NKAIN2: variants seen among roughly 807,000 people sequenced by gnomAD.
NKAIN2 encodes sodium/potassium transporting ATPase interacting 2, also known as sodium/potassium-transporting ATPase subunit beta-1-interacting protein 2.
In NKAIN2, 14 loss-of-function variants were observed where a neutral mutation model predicts 32.6. The ratio of observed to expected loss-of-function variants is 0.43; its 90% CI spans 0.28 to 0.67. NKAIN2 has a LOEUF of 0.67. Ranked by LOEUF, NKAIN2 falls within the 30% of genes least tolerant of loss-of-function variation. The probability of loss-of-function intolerance (pLI) is 0.17; values close to 1 mark genes in which losing one functional copy is unlikely to be tolerated. For synonymous variants in NKAIN2, 80 were observed against 87.2 expected (o/e 0.92, Z 0.46); for missense variants, 198 against 258.3 (o/e 0.77, Z 1.60).
intron 4 of NKAIN2, among the ~76,000 whole-genome samples, chr6:124,661,356 T>C (rs1265273934): frequency 6.6e-6 from 1 of 152,224 alleles, no homozygotes; most frequent in Non-Finnish European, 1.5e-5. Context: ...ACTGCTGCTT[T>C]CTCAGCCACT....
intron 3 of NKAIN2, among the ~76,000 whole-genome samples, chr6:124,615,861 C>A (rs1346732967): frequency 6.6e-6 from 1 of 152,128 alleles, no homozygotes; most frequent in Non-Finnish European, 1.5e-5. Flanking sequence ...TCTCTGCCAT[C>A]TTCAATCTGC....
chr6:123,868,363 A>G (rs1009214369), intron 1 of NKAIN2, among the ~76,000 whole-genome samples: 1 of 152,232 alleles, frequency 6.6e-6, no homozygotes, highest in Non-Finnish European at 1.5e-5. Flanking sequence ...GGACATATGT[A>G]TGCATAAATT....
chr6:124,057,973 A>T (rs1782739162), intron 1 of NKAIN2, among the ~76,000 whole-genome samples: 1 of 152,112 alleles, frequency 6.6e-6, no homozygotes, highest in Non-Finnish European at 1.5e-5. Flanking sequence ...TGCTCACAAG[A>T]CAACTGCAAA....
chr6:124,131,410 C>G (rs1411620043), intron 1 of NKAIN2, among the ~76,000 whole-genome samples: 2 of 152,154 alleles, frequency 1.3e-5, no homozygotes, highest in Non-Finnish European at 2.9e-5. Context: ...CTTGGCCAGA[C>G]AGAACAGTGT....
At chr6:123,869,117 A>G (rs1772734949) in intron 1 of NKAIN2, among the ~76,000 whole-genome samples, 1 of 152,212 alleles carries the variant, frequency 6.6e-6, no homozygotes, top group African/African-American at 2.4e-5. Context: ...AGAAAGACAT[A>G]GGCTTTTAAC....
chr6:123,839,004 A>G (rs1362291556), intron 1 of NKAIN2, among the ~76,000 whole-genome samples: 3 of 152,184 alleles, frequency 2.0e-5, no homozygotes, highest in African/African-American at 7.2e-5. Flanking sequence ...TTTCAGCTCC[A>G]TCTGCACCGT....
rs368783804 is a variant in NKAIN2 at position 124,058,198 on chromosome 6, AGTTTT to A, written c.55-224801_55-224797del. 7.6e-3 allele frequency among the ~76,000 whole-genome samples: 470 copies of A among 61,652 alleles called. 3 individuals are homozygous for A. The highest frequency in any genetic ancestry group is 0.024 in the African/African-American group (372 of 15,374). 40.4% of individuals were successfully genotyped at this position (61,652 alleles called of 152,430 possible). ...AGCATTGTTTATTATGTGACATTTAAGTTTTGTTTTTTTTTTTTTTTTCGGTTTTA... is the reference window on the plus strand; with the variant it reads ...AGCATTGTTTATTATGTGACATTTAAGTTTTTTTTTTTTTTTTCGGTTTTA... On this transcript the variant is annotated intron_variant, in intron 1 of 6. Coordinates refer to ENST00000368417, the MANE Select transcript of NKAIN2 (RefSeq NM_001040214.3).
intron 1 of NKAIN2, among the ~76,000 whole-genome samples, chr6:124,204,881 C>T (rs1790777214): frequency 6.6e-6 from 1 of 151,356 alleles, no homozygotes; most frequent in Non-Finnish European, 1.5e-5. Context: ...ATACAGTCTG[C>T]TTCCTAAATA....
intron 4 of NKAIN2, among the ~76,000 whole-genome samples, chr6:124,672,017 C>G (rs892154484): frequency 3.3e-5 from 5 of 151,158 alleles, no homozygotes; most frequent in Non-Finnish European, 5.9e-5. Context: ...TTTTAAAAAA[C>G]AAAAAAGAGA....
At chr6:124,642,807 G>A (rs983702590) in intron 3 of NKAIN2, among the ~76,000 whole-genome samples, 3 of 152,082 alleles carry the variant, frequency 2.0e-5, no homozygotes, top group Non-Finnish European at 4.4e-5. Context: ...TCCCTTAAAT[G>A]TACTTGCTTG....
intron 1 of NKAIN2, among the ~76,000 whole-genome samples, chr6:123,841,107 A>T (rs557947647): frequency 6.6e-6 from 1 of 152,324 alleles, no homozygotes; most frequent in South Asian, 2.1e-4. Context: ...CTATACCTGC[A>T]CTAAGCAAAT....
chr6:124,711,106 A>C (rs1775427141), intron 4 of NKAIN2, among the ~76,000 whole-genome samples: 1 of 140,402 alleles, frequency 7.1e-6, no homozygotes, highest in South Asian at 2.4e-4. Flanking sequence ...GTTTGGCTGG[A>C]TATGAAATTC....
intron 4 of NKAIN2, among the ~76,000 whole-genome samples, chr6:124,771,390 G>T (rs1223632081): frequency 6.6e-6 from 1 of 152,140 alleles, no homozygotes; most frequent in Non-Finnish European, 1.5e-5. Flanking sequence ...ACCAACAGGT[G>T]TGTTTTCCTA....
At chr6:124,439,257 A>G (rs967960553) in intron 3 of NKAIN2, among the ~76,000 whole-genome samples, 2 of 152,090 alleles carry the variant, frequency 1.3e-5, no homozygotes, top group African/African-American at 4.8e-5. Flanking sequence ...GCTGATTTAA[A>G]AACCAGAGTC....
At chr6:124,800,317 G>C (rs997808063) in intron 5 of NKAIN2, among the ~76,000 whole-genome samples, 4 of 152,122 alleles carry the variant, frequency 2.6e-5, no homozygotes, top group African/African-American at 9.7e-5. Context: ...CCAGGTTTGC[G>C]GAATGAAAAC....
At chr6:123,855,903 CA>C (rs1775538468) in intron 1 of NKAIN2, among the ~76,000 whole-genome samples, 1 of 152,144 alleles carries the variant, frequency 6.6e-6, no homozygotes, top group Non-Finnish European at 1.5e-5. Flanking sequence ...TTGTACCCTG[CA>C]GGGTGTAAAT....
chr6:124,451,180 G>C (rs492962), intron 3 of NKAIN2, among the ~76,000 whole-genome samples: 15,588 of 151,966 alleles, frequency 0.1, 1,030 homozygotes, highest in East Asian at 0.25. Flanking sequence ...TTATCTGAAG[G>C]GCCCAAGTGG....
chr6:124,673,974 C>T (rs1446908882), intron 4 of NKAIN2, among the ~76,000 whole-genome samples: 1 of 151,924 alleles, frequency 6.6e-6, no homozygotes, highest in African/African-American at 2.4e-5. Context: ...ATGAAGTTTT[C>T]CACCTATATA....
chr6:124,033,241 G>A (rs991892253), intron 1 of NKAIN2, among the ~76,000 whole-genome samples: 8 of 152,098 alleles, frequency 5.3e-5, no homozygotes, highest in African/African-American at 1.7e-4. Flanking sequence ...GAAGATTAGT[G>A]TTCTGTTATG....
Sources: gnomAD v4.1 joint callset for allele counts (sites outside exome capture counted in the v4.1 genomes callset) on GRCh38, gnomAD v4.1.1 for gene constraint, MANE v1.5 for transcripts, NCBI Gene and HGNC (gene_info 2026-07-23, HGNC 2026-07-21) for gene names.